The following KAZN variants were observed in gnomAD, a reference collection of about 807,000 sequenced individuals.
KAZN encodes the protein kazrin, periplakin interacting protein.
In KAZN, 40 loss-of-function variants were observed where a neutral mutation model predicts 87.4. That is an observed-to-expected ratio of 0.46 (90% CI 0.36 to 0.60). The LOEUF is 0.60. Ranked by LOEUF, KAZN falls within the 20% of genes least tolerant of loss-of-function variation. The pLI, the probability that KAZN is intolerant of heterozygous loss-of-function variation, is 0.00. For synonymous variants in KAZN, 466 were observed against 458.3 expected (o/e 1.02, Z -0.22); for missense variants, 898 against 1,073.9 (o/e 0.84, Z 2.29).
chr1:14,692,725 A>AGTTGG (rs1432013510), intron 1 of KAZN: 1 of 152,280 alleles, frequency 6.6e-6, no homozygotes, highest in African/African-American at 2.4e-5. Context: ...TGAGGCCAGG[A>AGTTGG]GTTGGGAGAC....
At chr1:14,613,281 G>A (rs1040587389) in intron 1 of KAZN, among the ~76,000 whole-genome samples, 2 of 152,314 alleles carry the variant, frequency 1.3e-5, no homozygotes, top group Admixed American at 6.5e-5. Context: ...CTGAGGCCGG[G>A]GATTGTACTC....
chr1:14,948,403 T>C (rs1662089945), intron 1 of KAZN, among the ~76,000 whole-genome samples: 1 of 152,134 alleles, frequency 6.6e-6, no homozygotes, highest in South Asian at 2.1e-4. Context: ...CCTGAGCCCA[T>C]TGGTAAAGAG....
chr1:14,510,938 C>T (rs1670867388), intron 2 of KAZN, among the ~76,000 whole-genome samples: 1 of 152,140 alleles, frequency 6.6e-6, no homozygotes, highest in Non-Finnish European at 1.5e-5. Flanking sequence ...AGGGAAGCTT[C>T]TTAGATGTCA....
chr1:14,000,497 A>G (rs1041972191), intron 1 of KAZN, among the ~76,000 whole-genome samples: 9 of 152,256 alleles, frequency 5.9e-5, no homozygotes, highest in African/African-American at 2.2e-4. Context: ...ACAATATTCA[A>G]CATCCCTTCA....
chr1:13,904,686 GA>G (rs753864223), intron 1 of KAZN, among the ~76,000 whole-genome samples: 10 of 152,196 alleles, frequency 6.6e-5, no homozygotes, highest in Non-Finnish European at 1.2e-4. Context: ...GATTTGCTTT[GA>G]AAGTCTTTGT....
rs1405276939 is a variant in KAZN, at chr1:14,365,379, G to A, written c.249+184787G>A. ...CCCTCCCCCCGGGGTGGGGGGGGGG[G>A]GGGTCTTTCAAGGTCACCAGCTGTG... On this transcript the variant is annotated intron_variant, in intron 2 of 16. Transcript: ENST00000636203. Among the ~76,000 whole-genome samples, 32 of 139,378 alleles carry A rather than the reference G, an allele frequency of 2.3e-4. 1 individual carries two copies. The highest frequency in any genetic ancestry group is 7.5e-4 in the Admixed American group (10 of 13,264). The allele number at this position is 139,378 out of a possible 152,430, so 91.4% of individuals were successfully genotyped here.
At chr1:14,867,271 C>A (rs1182335377) in intron 1 of KAZN, among the ~76,000 whole-genome samples, 4 of 152,182 alleles carry the variant, frequency 2.6e-5, no homozygotes, top group Non-Finnish European at 2.9e-5. Flanking sequence ...TTTGTGAGAT[C>A]TGCGAGAGTG....
chr1:14,849,805 A>T (rs1413799131), intron 1 of KAZN, among the ~76,000 whole-genome samples: 1 of 152,212 alleles, frequency 6.6e-6, no homozygotes, highest in Non-Finnish European at 1.5e-5. Flanking sequence ...TTGTTTCCAT[A>T]GCAGCAGAAG....
chr1:14,361,090 GC>G (rs1316464211), intron 2 of KAZN, among the ~76,000 whole-genome samples: 1 of 152,212 alleles, frequency 6.6e-6, no homozygotes, highest in Non-Finnish European at 1.5e-5. Context: ...TTATCTATAG[GC>G]CCGACTGGGG....
At chr1:14,257,746 G>A (rs1650630947) in intron 2 of KAZN, among the ~76,000 whole-genome samples, 1 of 133,498 alleles carries the variant, frequency 7.5e-6, no homozygotes, top group Non-Finnish European at 1.5e-5. Flanking sequence ...TGAACAATGA[G>A]ATCCCATGGA....
At position 14,814,228 on chromosome 1, in the gene KAZN, AT is replaced by A. The variant is rs544613939; in HGVS notation, c.227-146454del. ...GGTCAAAGACTGGATCTTTTTTATT[AT>A]TATTATTACTTTTTTGAGATGGACT... On this transcript the variant is annotated intron_variant, in intron 1 of 14. Transcript: ENST00000376030. 2.2e-4 allele frequency among the ~76,000 whole-genome samples: 33 copies of A among 152,104 alleles called. No homozygotes were observed. In the East Asian group the frequency reaches 2.3e-3, roughly 11 times the overall value.
chr1:15,042,598 C>G (rs1460197599), intron 3 of KAZN, among the ~76,000 whole-genome samples: 1 of 152,142 alleles, frequency 6.6e-6, no homozygotes, highest in Non-Finnish European at 1.5e-5. Context: ...TGGTATTATC[C>G]CCTGGTTACA....
At chr1:14,179,364 C>T (rs1340324817) in intron 1 of KAZN, among the ~76,000 whole-genome samples, 2 of 152,210 alleles carry the variant, frequency 1.3e-5, no homozygotes, top group South Asian at 2.1e-4. Context: ...TATTAGGACT[C>T]AACTTGCTTT....
chr1:14,619,895 T>C (rs555914725), intron 1 of KAZN, among the ~76,000 whole-genome samples: 1 of 152,352 alleles, frequency 6.6e-6, no homozygotes, highest in African/African-American at 2.4e-5. Context: ...CCGTATAACA[T>C]TCCAGTGTGT....
chr1:14,023,078 G>A (rs1423589165), intron 1 of KAZN, among the ~76,000 whole-genome samples: 1 of 152,182 alleles, frequency 6.6e-6, no homozygotes, highest in Non-Finnish European at 1.5e-5. Context: ...ACTTTGGGAG[G>A]CTGAGGTGGG....
chr1:14,418,262 A>C (rs1404063132), intron 2 of KAZN, among the ~76,000 whole-genome samples: 2 of 152,094 alleles, frequency 1.3e-5, no homozygotes, highest in South Asian at 2.1e-4. Context: ...ACAAGTTCCT[A>C]ACTATATGAC....
chr1:14,700,946 C>T (rs1641887309), intron 1 of KAZN, among the ~76,000 whole-genome samples: 1 of 152,118 alleles, frequency 6.6e-6, no homozygotes, highest in Non-Finnish European at 1.5e-5. Context: ...TGGGAAACTT[C>T]AACACAATTC....
intron 2 of KAZN, among the ~76,000 whole-genome samples, chr1:14,272,136 G>A (rs775707395): frequency 6.6e-6 from 1 of 152,148 alleles, no homozygotes; most frequent in Non-Finnish European, 1.5e-5. Flanking sequence ...GACACAAAGT[G>A]CTGTGTAACA....
intron 2 of KAZN, among the ~76,000 whole-genome samples, chr1:14,307,538 T>A (rs1292226418): frequency 6.6e-6 from 1 of 152,094 alleles, no homozygotes; most frequent in Non-Finnish European, 1.5e-5. Flanking sequence ...CTCAAAGAGG[T>A]TAAGGGACTT....
Sources: gnomAD v4.1 joint callset for allele counts (sites outside exome capture counted in the v4.1 genomes callset) on GRCh38, gnomAD v4.1.1 for gene constraint, MANE v1.5 for transcripts, NCBI Gene and HGNC (gene_info 2026-07-23, HGNC 2026-07-21) for gene names.